Variants in LHFPL3 observed in about 807,000 individuals in gnomAD.
LHFPL3 encodes LHFPL tetraspan subfamily member 3 protein.
In LHFPL3, 5 loss-of-function variants were observed where a neutral mutation model predicts 19.3. The ratio of observed to expected loss-of-function variants is 0.26; its 90% CI spans 0.14 to 0.54. LHFPL3 has a LOEUF of 0.54. LHFPL3 is among the 20% of genes least tolerant of loss of function. The probability of loss-of-function intolerance (pLI) is 0.94; values close to 1 mark genes in which losing one functional copy is unlikely to be tolerated. For synonymous variants in LHFPL3, 133 were observed against 126.2 expected (o/e 1.05, Z -0.36); for missense variants, 249 against 307.4 (o/e 0.81, Z 1.42).
intron 2 of LHFPL3, among the ~76,000 whole-genome samples, chr7:104,764,740 C>T (rs540807690): frequency 1.3e-5 from 2 of 152,332 alleles, no homozygotes; most frequent in South Asian, 2.1e-4. Context: ...ATGCTCATTT[C>T]GCTAGGCCAT....
chr7:104,884,517 A>C (rs774445017), intron 2 of LHFPL3, among the ~76,000 whole-genome samples: 6 of 152,188 alleles, frequency 3.9e-5, no homozygotes, highest in Non-Finnish European at 8.8e-5. Flanking sequence ...AGTGAATTTT[A>C]CACGTGATAA....
intron 1 of LHFPL3, among the ~76,000 whole-genome samples, chr7:104,336,048 C>A (rs6958555): frequency 6.6e-6 from 1 of 152,002 alleles, no homozygotes; most frequent in Non-Finnish European, 1.5e-5. Flanking sequence ...GATAACTGGA[C>A]TAGTTTTAAA....
intron 1 of LHFPL3, among the ~76,000 whole-genome samples, chr7:104,449,741 G>T (rs1319762928): frequency 1.3e-5 from 2 of 152,148 alleles, no homozygotes; most frequent in African/African-American, 4.8e-5. Context: ...GAGACCAAAG[G>T]ACATCACTCC....
intron 1 of LHFPL3, among the ~76,000 whole-genome samples, chr7:104,686,281 C>T (rs1792803740): frequency 6.6e-6 from 1 of 152,114 alleles, no homozygotes. Flanking sequence ...CCCCAGCCTG[C>T]CTCCAAGGCA....
chr7:104,549,759 T>C (rs1794634740), intron 1 of LHFPL3, among the ~76,000 whole-genome samples: 1 of 152,144 alleles, frequency 6.6e-6, no homozygotes, highest in Admixed American at 6.6e-5. Flanking sequence ...ATTCAACTTA[T>C]TATGTTGAGT....
At chr7:104,504,787 T>A (rs1486943653) in intron 1 of LHFPL3, among the ~76,000 whole-genome samples, 1 of 152,224 alleles carries the variant, frequency 6.6e-6, no homozygotes, top group Non-Finnish European at 1.5e-5. Context: ...CAAGATAACT[T>A]ACTCAGGTTA....
chr7:104,762,482 A>C (rs1794390663), intron 2 of LHFPL3, among the ~76,000 whole-genome samples: 1 of 152,192 alleles, frequency 6.6e-6, no homozygotes, highest in Non-Finnish European at 1.5e-5. Flanking sequence ...AGAGGAGACC[A>C]AGGGCAGGAG....
At chr7:104,812,440 C>T (rs1220808420) in intron 2 of LHFPL3, among the ~76,000 whole-genome samples, 1 of 152,008 alleles carries the variant, frequency 6.6e-6, no homozygotes, top group Non-Finnish European at 1.5e-5. Flanking sequence ...AGAAGGGAAA[C>T]ATAAAAGAAT....
intron 1 of LHFPL3, among the ~76,000 whole-genome samples, chr7:104,542,193 T>C (rs944893282): frequency 1.3e-5 from 2 of 152,082 alleles, no homozygotes; most frequent in Non-Finnish European, 1.5e-5. Context: ...CTTGGGTTTT[T>C]GAGGCCCCAG....
chr7:104,532,285 G>GT lies in LHFPL3; in HGVS notation c.445+203071dup, dbSNP rs80134974. On this transcript the variant is annotated intron_variant, in intron 1 of 2. Transcript: ENST00000424859. ...GCATGTGCCACCATGCTTGGCTAAT[G>GT]TTTTTTTTTTCTTTTTTTCTTTTTC... Among the ~76,000 whole-genome samples the GT allele has an allele frequency of 2.8e-3, 308 of 109,876 alleles. 2 individuals carry two copies. Among genetic ancestry groups the GT allele is most frequent in the African/African-American group, 9.1e-3 (251 of 27,668 alleles). 72.1% of individuals were successfully genotyped at this position (109,876 alleles called of 152,430 possible).
chr7:104,456,670 T>TG (rs1792546797), intron 1 of LHFPL3, among the ~76,000 whole-genome samples: 1 of 152,188 alleles, frequency 6.6e-6, no homozygotes, highest in Non-Finnish European at 1.5e-5. Context: ...GTATTTGAAT[T>TG]GCAAGCATCA....
chr7:104,352,448 T>A (rs1436467690), intron 1 of LHFPL3, among the ~76,000 whole-genome samples: 1 of 152,178 alleles, frequency 6.6e-6, no homozygotes, highest in Non-Finnish European at 1.5e-5. Flanking sequence ...TTTCCCCGCT[T>A]TTTTAAAGCA....
chr7:104,884,869 T>C (rs1792120535), intron 2 of LHFPL3, among the ~76,000 whole-genome samples: 1 of 152,120 alleles, frequency 6.6e-6, no homozygotes, highest in Non-Finnish European at 1.5e-5. Context: ...TAGAATCACC[T>C]GAAATTCAGT....
In LHFPL3 at chr7:104,436,244, TG is replaced by T. The variant is rs1792102800; in HGVS notation, c.445+107021del. 2.6e-5 allele frequency among the ~76,000 whole-genome samples: 4 copies of T among 152,336 alleles called. No homozygotes were observed. The South Asian group carries it at 8.3e-4, about 32-fold the overall frequency. On this transcript the variant is annotated intron_variant, in intron 1 of 2. Coordinates refer to ENST00000424859, the MANE Select transcript of LHFPL3 (RefSeq NM_199000.3). ...AGGCTGCTAGAATATTTTAAAGTTT[TG>T]TAAGTGGTTTGCATTATATTTTTAT...
chr7:104,499,881 A>G (rs1470640887), intron 1 of LHFPL3, among the ~76,000 whole-genome samples: 1 of 152,274 alleles, frequency 6.6e-6, no homozygotes, highest in African/African-American at 2.4e-5. Flanking sequence ...AGTAGAAGAA[A>G]AAAAGGAAAA....
At chr7:104,642,038 T>C (rs1791846502) in intron 1 of LHFPL3, among the ~76,000 whole-genome samples, 2 of 1,566 alleles carry the variant, frequency 1.3e-3, no homozygotes, top group Non-Finnish European at 0.016. Context: ...TTATTACTTT[T>C]TTTTTTTTTT....
At chr7:104,750,933 C>T (rs372281613) in intron 2 of LHFPL3, among the ~76,000 whole-genome samples, 44 of 150,738 alleles carry the variant, frequency 2.9e-4, no homozygotes, top group East Asian at 1.0e-3. Flanking sequence ...ACATCTTGGA[C>T]ATAAGTCAGG....
intron 1 of LHFPL3, among the ~76,000 whole-genome samples, chr7:104,565,535 A>G (rs914381106): frequency 6.6e-6 from 1 of 152,246 alleles, no homozygotes; most frequent in Non-Finnish European, 1.5e-5. Context: ...CAGGAAATTG[A>G]GGAAGAGAAA....
chr7:104,852,206 T>C (rs907334566), intron 2 of LHFPL3, among the ~76,000 whole-genome samples: 1 of 151,952 alleles, frequency 6.6e-6, no homozygotes. Flanking sequence ...CTGTAAGACA[T>C]AATTAAAAGG....
Sources: gnomAD v4.1 joint callset for allele counts (sites outside exome capture counted in the v4.1 genomes callset) on GRCh38, gnomAD v4.1.1 for gene constraint, MANE v1.5 for transcripts, NCBI Gene and HGNC (gene_info 2026-07-23, HGNC 2026-07-21) for gene names.